Variants in NADSYN1 observed in about 807,000 individuals in gnomAD.
NADSYN1 encodes glutamine-dependent NAD(+) synthetase.
Under a neutral mutation model 99.3 loss-of-function variants are expected in NADSYN1, and 80 were observed. The observed-to-expected ratio is 0.81, with a 90% CI of 0.67 to 0.97. NADSYN1 has a LOEUF of 0.97. Among genes scored for constraint, NADSYN1 ranks in the 50% least tolerant of loss-of-function variants. The probability of loss-of-function intolerance (pLI) is 0.00; values close to 1 mark genes in which losing one functional copy is unlikely to be tolerated. For synonymous variants in NADSYN1, 385 were observed against 372.1 expected (o/e 1.03, Z -0.40); for missense variants, 859 against 948.5 (o/e 0.91, Z 1.24).
At position 71,498,365 on chromosome 11, in the gene NADSYN1, T is replaced by C. The variant is rs926558953; in HGVS notation, c.1907T>C (p.Val636Ala). ...ICTPRQVADK[V>A]KRFFSKYSMN... ...CACGCCCACCAGGTCGCTGACAAAGTGAAGCGGTTTTTCTCCAAGTACTCC... is the reference window on the plus strand; with the variant it reads ...CACGCCCACCAGGTCGCTGACAAAGCGAAGCGGTTTTTCTCCAAGTACTCC... The change falls in exon 20 of 21, where the codon GTG (valine) becomes GCG (alanine). Residue 636 changes from valine (V) to alanine (A), a missense_variant. Coordinates refer to ENST00000319023, the MANE Select transcript of NADSYN1 (RefSeq NM_018161.5). 4.3e-6 allele frequency: 7 copies of C among 1,614,176 alleles called. No individual in the cohort carries two copies. Among genetic ancestry groups the C allele is most frequent in the Non-Finnish European group, 5.9e-6 (7 of 1,180,030 alleles).
intron 12 of NADSYN1, 133 bp downstream of exon 12, chr11:71,481,537 C>A: frequency 1.1e-6 from 1 of 915,254 alleles, no homozygotes; most frequent in Non-Finnish European, 1.7e-6. Flanking sequence ...CACTCTGCCT[C>A]CATGGGGAGC....
chr11:71,489,071 G>A (rs1289727351), intron 16 of NADSYN1, among the ~76,000 whole-genome samples: 2 of 152,104 alleles, frequency 1.3e-5, no homozygotes, highest in African/African-American at 4.8e-5. Flanking sequence ...AGGAGGGGAG[G>A]GGAGAGTGAA....
chr11:71,476,655 G>A, intron 9 of NADSYN1: 1 of 985,974 alleles, frequency 1.0e-6, no homozygotes, highest in Non-Finnish European at 1.2e-6. Flanking sequence ...AACCGCGACA[G>A]AGCTGGAAGG....
intron 9 of NADSYN1, 23 bp from the exon 10 acceptor site, chr11:71,478,372 C>A (rs755369681): frequency 2.5e-6 from 4 of 1,573,088 alleles, no homozygotes; most frequent in East Asian, 2.3e-5. Flanking sequence ...ATCACGGGTT[C>A]TCTTTGAAAT....
chr11:71,490,889 T>G lies in NADSYN1; in HGVS notation c.1607T>G (p.Ile536Ser), dbSNP rs145577807. Reference sequence around the variant, plus strand: ...AAGTACGACTGCTCCAGTGCGGACATCAACCCCATAGGCGGGATCAGCAAG... The same window carrying G: ...AAGTACGACTGCTCCAGTGCGGACAGCAACCCCATAGGCGGGATCAGCAAG... Reference protein sequence around the residue: ...LTKYDCSSADINPIGGISKTD... With the variant: ...LTKYDCSSADSNPIGGISKTD... The change falls in exon 17 of 21, where the codon ATC (isoleucine) becomes AGC (serine). Residue 536 changes from isoleucine (I) to serine (S), a missense_variant. Physicochemically the swap from Ile to Ser is moderately radical, Grantham distance 142. Transcript: ENST00000319023. 3.4e-5 allele frequency: 55 copies of G among 1,614,072 alleles called. No homozygotes were observed. The highest frequency in any genetic ancestry group is 4.6e-5 in the Non-Finnish European group (54 of 1,180,024).
Position 71,498,602 on chromosome 11 carries a change from G to A in NADSYN1, c.2070+74G>A. 5.2e-6 allele frequency: 8 copies of A among 1,543,934 alleles called. No individual in the cohort carries two copies. In the South Asian group the frequency reaches 7.4e-5, roughly 14 times the overall value. The stretch of plus-strand genomic sequence containing the variant: ...GAAACGTGAGGTTATTTCCATGAAG[G>A]ATTGAAAAACTTTCTTATATACACA... On this transcript the variant is annotated intron_variant, in intron 20 of 20. Transcript: ENST00000319023.
intron 3 of NADSYN1, among the ~76,000 whole-genome samples, chr11:71,459,360 C>T (rs138650021): frequency 9.2e-4 from 138 of 150,630 alleles, no homozygotes; most frequent in African/African-American, 3.1e-3. Context: ...GGCCTCTGCT[C>T]ACGCTGTGCT....
Position 71,473,577 on chromosome 11 carries a change from TC to T in NADSYN1, c.558del (p.Ile186MetfsTer31). The T allele has an allele frequency of 1.2e-6, 2 of 1,610,054 alleles. No individual in the cohort carries two copies. Among genetic ancestry groups the T allele is most frequent in the Non-Finnish European group, 1.7e-6 (2 of 1,177,628 alleles). ...EELWTPHSPH[I>X]DMGLDGVEII... ...CCTGCCTCTGCCTGCAGCCCGCACA[TC>T]GACATGGGCCTGGATGGCGTGGAGA... On this transcript the variant is annotated frameshift_variant, in exon 8 of 21. Transcript: ENST00000319023. LOFTEE classifies it high-confidence loss of function.
rs182208022 is a variant in NADSYN1, at chr11:71,497,608, A to G, written c.1890A>G (p.Arg630=). 1.1e-5 allele frequency: 17 copies of G among 1,614,068 alleles called. No homozygotes were observed. In the East Asian group the frequency reaches 3.3e-4, roughly 32 times the overall value. The change falls in exon 19 of 21, where the codon AGA becomes AGG. Residue 630 remains arginine, a synonymous_variant. Coordinates refer to ENST00000319023, the MANE Select transcript of NADSYN1 (RefSeq NM_018161.5). ...TGTGGAGACACATCTGCACCCCGAG[A>G]CAGGTAAAGCCTGTGAGACGCATCA... is the stretch of plus-strand genomic sequence containing the variant. ...LGMWRHICTP[R]QVADKVKRFF...
chr11:71,458,469 T>C lies in NADSYN1; in HGVS notation c.188T>C (p.Leu63Pro), dbSNP rs778144032. ...GATCATTATTACGAGTCGGACACCC[T>C]CTTGCACTCGTTTCAAGTCCTAGCG... Reference protein sequence around the residue: ...CWDHYYESDTLLHSFQVLAAL... With the variant: ...CWDHYYESDTPLHSFQVLAAL... The change falls in exon 3 of 21, where the codon CTC becomes CCC. Residue 63 changes from leucine (L) to proline (P), a missense_variant. Transcript: ENST00000319023. The C allele has an allele frequency of 6.2e-7, 1 of 1,614,012 alleles. No individual in the cohort carries two copies. The highest frequency in any genetic ancestry group is 8.5e-7 in the Non-Finnish European group (1 of 1,179,924).
chr11:71,477,163 T>C (rs1177478756), intron 9 of NADSYN1: 16 of 1,140,274 alleles, frequency 1.4e-5, no homozygotes, highest in Non-Finnish European at 1.5e-5. Context: ...TTTCTCAGGG[T>C]CTTCCTAATC....
chr11:71,480,914 G>A (rs112215087), intron 11 of NADSYN1, 35 bp downstream of exon 11: 43 of 1,610,468 alleles, frequency 2.7e-5, no homozygotes, highest in Middle Eastern at 1.7e-4. Flanking sequence ...GGGACCTGGC[G>A]TCTGTGTGGC....
intron 1 of NADSYN1, among the ~76,000 whole-genome samples, chr11:71,454,900 T>A (rs898101725): frequency 6.6e-6 from 1 of 152,220 alleles, no homozygotes; most frequent in Non-Finnish European, 1.5e-5. Flanking sequence ...GGCGTACTCG[T>A]GTATACAGGT....
rs113430433 is a variant in NADSYN1 at position 71,458,279 on chromosome 11, T to G, written c.147-149T>G. The G allele has an allele frequency of 1.0e-5, 7 of 666,762 alleles. No homozygotes were observed. The African/African-American group carries it at 1.3e-4, about 12-fold the overall frequency. The allele number at this position is 666,762 out of a possible 1,614,324, so 41.3% of individuals were successfully genotyped here. Reference sequence around the variant, plus strand: ...CTGGCTGCGGCAGTGGGTCTTATGCTGGCTGCTCATTGGAATCACCTGGAA... The same window carrying G: ...CTGGCTGCGGCAGTGGGTCTTATGCGGGCTGCTCATTGGAATCACCTGGAA... On this transcript the variant is annotated intron_variant, in intron 2 of 20. Coordinates refer to ENST00000319023, the MANE Select transcript of NADSYN1 (RefSeq NM_018161.5).
chr11:71,485,373 C>T (rs991128047), intron 15 of NADSYN1, 169 bp from the exon 16 acceptor site: 44 of 521,602 alleles, frequency 8.4e-5, no homozygotes, highest in African/African-American at 5.1e-4. Flanking sequence ...GGGACCACCC[C>T]GAGAGGAAGG....
At chr11:71,454,705 C>G (rs1026668750) in intron 1 of NADSYN1, among the ~76,000 whole-genome samples, 2 of 152,188 alleles carry the variant, frequency 1.3e-5, no homozygotes, top group Non-Finnish European at 2.9e-5. Context: ...ACTGCTGGAT[C>G]GTAATCCTCT....
intron 16 of NADSYN1, among the ~76,000 whole-genome samples, chr11:71,489,881 G>A (rs1177855545): frequency 6.6e-6 from 1 of 152,226 alleles, no homozygotes; most frequent in African/African-American, 2.4e-5. Flanking sequence ...TTCAGACTGT[G>A]GAAGGGCTTG....
intron 20 of NADSYN1, 80 bp from the exon 21 acceptor site, chr11:71,501,222 G>A (rs984049777): frequency 2.3e-5 from 30 of 1,324,204 alleles, no homozygotes; most frequent in Middle Eastern, 2.3e-4. Context: ...CTTGTGACCC[G>A]CTTTTGGTGC....
chr11:71,479,805 GAT>G (rs1949692894), intron 10 of NADSYN1: 1 of 152,254 alleles, frequency 6.6e-6, no homozygotes, highest in African/African-American at 2.4e-5. Flanking sequence ...AAAACTCACT[GAT>G]ATGAAGAGTC....
Sources: gnomAD v4.1 joint callset for allele counts (sites outside exome capture counted in the v4.1 genomes callset) on GRCh38, gnomAD v4.1.1 for gene constraint, MANE v1.5 for transcripts, NCBI Gene and HGNC (gene_info 2026-07-23, HGNC 2026-07-21) for gene names.